PPFIBP1: variants seen among roughly 807,000 people sequenced by gnomAD.
PPFIBP1 encodes the protein PPFIB scaffold protein 1, also known as liprin-beta-1.
Under a neutral mutation model 137.8 loss-of-function variants are expected in PPFIBP1, and 112 were observed. That is an observed-to-expected ratio of 0.81 (90% CI 0.70 to 0.95). The LOEUF (loss-of-function observed/expected upper bound fraction) is 0.95, where lower values mean the gene tolerates loss of function less well. Ranked by LOEUF, PPFIBP1 falls within the 40% of genes least tolerant of loss-of-function variation. The pLI is 0.00. For missense variants in PPFIBP1, 1,083 were observed against 1,196.6 expected, an observed-to-expected ratio of 0.91 and a Z score of 1.40; for synonymous variants, 378 against 417.3, an observed-to-expected ratio of 0.91 and a Z score of 1.15.
rs3842650 is a variant in PPFIBP1 at position 27,644,244 on chromosome 12, G to GTTTTTTTTTT, written c.271-1802_271-1793dup. 5.9e-4 allele frequency among the ~76,000 whole-genome samples: 69 copies of GTTTTTTTTTT among 117,732 alleles called. 2 individuals are homozygous for GTTTTTTTTTT. The South Asian group carries it at 0.013, about 21-fold the overall frequency. The allele number at this position is 117,732 out of a possible 152,430, so 77.2% of individuals were successfully genotyped here. The stretch of plus-strand genomic sequence containing the variant: ...GGCGCACACCACCAAGCTTGGCTAA[G>GTTTTTTTTTT]TTTTTTTTTTTTTTTTTTTTTTTTT... On this transcript the variant is annotated intron_variant, in intron 4 of 29. Coordinates refer to ENST00000228425, the MANE Select transcript of PPFIBP1 (RefSeq NM_003622.4).
At chr12:27,568,651 A>G (rs10771342) in intron 1 of PPFIBP1, among the ~76,000 whole-genome samples, 48,785 of 151,944 alleles carry the variant, frequency 0.32, 9,141 homozygotes, top group African/African-American at 0.51. Context: ...AGCCTCTCCC[A>G]GACTTCTCCC....
intron 5 of PPFIBP1, among the ~76,000 whole-genome samples, chr12:27,646,777 A>G (rs2058529695): frequency 6.6e-6 from 1 of 152,172 alleles, no homozygotes; most frequent in Non-Finnish European, 1.5e-5. Context: ...AATGCTTCAC[A>G]AACATTTTTC....
In PPFIBP1 at chr12:27,673,825, G is replaced by A. The variant is rs746470400; in HGVS notation, c.1378G>A (p.Gly460Arg). The A allele has an allele frequency of 1.4e-5, 22 of 1,612,984 alleles. No homozygotes were observed. The highest frequency in any genetic ancestry group is 1.7e-5 in the Non-Finnish European group (20 of 1,179,526). Residue 460 changes from glycine (G) to arginine (R), a missense_variant and splice_region_variant, in exon 16 of 30, where the codon GGG becomes AGG. Transcript: ENST00000228425. ...CAATCTGAAGAAAGAGACATCTGATGGGGTGGGTTCTGTGTTTTTTGTTTT... is the reference window on the plus strand; with the variant it reads ...CAATCTGAAGAAAGAGACATCTGATAGGGTGGGTTCTGTGTTTTTTGTTTT... ...LGNLKKETSDGEKETIQKTSE... is the reference protein window; with the variant it reads ...LGNLKKETSDREKETIQKTSE...
chr12:27,593,795 C>T lies in PPFIBP1; in HGVS notation c.-36+15556C>T, dbSNP rs113361091. ...CCAGGAAGATGTTCAGTTTGCAAAA[C>T]TGTCTGGTTCGTCCTGAATTTGGTA... On this transcript the variant is annotated intron_variant, in intron 2 of 29. Transcript: ENST00000228425. 7.0e-3 allele frequency: 7,236 copies of T among 1,032,878 alleles called. 43 individuals are homozygous for T. Among genetic ancestry groups the T allele is most frequent in the Middle Eastern group, 0.011 (53 of 4,678 alleles). 64.0% of individuals were successfully genotyped at this position (1,032,878 alleles called of 1,614,324 possible).
At chr12:27,559,141 TA>T (rs1382096415) in intron 1 of PPFIBP1, among the ~76,000 whole-genome samples, 1 of 151,906 alleles carries the variant, frequency 6.6e-6, no homozygotes, top group Non-Finnish European at 1.5e-5. Flanking sequence ...GTGCTGGGTT[TA>T]TAGGCATTAG....
chr12:27,640,357 C>T (rs530852281), intron 4 of PPFIBP1, among the ~76,000 whole-genome samples: 1 of 152,248 alleles, frequency 6.6e-6, no homozygotes, highest in African/African-American at 2.4e-5. Context: ...AGAGAGATTC[C>T]TCCTCTAGAT....
At chr12:27,674,903 C>T (rs1170103042) in intron 17 of PPFIBP1, among the ~76,000 whole-genome samples, 1 of 136,536 alleles carries the variant, frequency 7.3e-6, no homozygotes, top group Admixed American at 8.4e-5. Flanking sequence ...GCCTCGATTT[C>T]CTGGGCTCAG....
chr12:27,655,167 A>G lies in PPFIBP1; in HGVS notation c.696+353A>G. On this transcript the variant is annotated intron_variant, in intron 8 of 29. Coordinates refer to ENST00000228425, the MANE Select transcript of PPFIBP1 (RefSeq NM_003622.4). ...GTCTTTAATGGCCAAACTTTCTAGC[A>G]TGAAAATCAAGGTGGGTCAGATGCA... The G allele has an allele frequency of 2.0e-6, 3 of 1,535,630 alleles. No individual in the cohort carries two copies. The highest frequency in any genetic ancestry group is 2.6e-6 in the Non-Finnish European group (3 of 1,146,146).
In PPFIBP1 at chr12:27,679,622, C is replaced by A. The variant is rs2060762496; in HGVS notation, c.1749C>A (p.Ile583=). The A allele has an allele frequency of 6.2e-7, 1 of 1,613,642 alleles. No individual in the cohort carries two copies. Among genetic ancestry groups the A allele is most frequent in the African/African-American group, 1.3e-5 (1 of 74,886 alleles). Residue 583 remains isoleucine, a synonymous_variant, in exon 20 of 30, where the codon ATC becomes ATA. Transcript: ENST00000228425. ...SPDSKKKSRG[I]MKLFGKLRRS... ...ATTCCAAAAAGAAATCCAGAGGTAT[C>A]ATGAAACTCTTTGGAAAGTAAGTAA...
In PPFIBP1 at chr12:27,670,522, G is replaced by C. The variant is rs1214558506; in HGVS notation, c.1147-909G>C. ...TCGCTGGGCACAGTGGCTCATGCCT[G>C]TAATCCCACTTTGGGAGGCTGAGGC... On this transcript the variant is annotated intron_variant, in intron 13 of 29. Transcript: ENST00000228425. Among the ~76,000 whole-genome samples, 3 of 152,280 alleles carry C rather than the reference G, an allele frequency of 2.0e-5. No homozygotes were observed. The East Asian group carries it at 5.8e-4, about 29-fold the overall frequency.
intron 2 of PPFIBP1, among the ~76,000 whole-genome samples, chr12:27,603,028 T>A (rs978221499): frequency 2.6e-5 from 4 of 152,360 alleles, no homozygotes; most frequent in African/African-American, 9.6e-5. Flanking sequence ...TTTCTTATTG[T>A]ATTTTATAAT....
chr12:27,618,155 G>T (rs1255888659), intron 2 of PPFIBP1, among the ~76,000 whole-genome samples: 1 of 152,220 alleles, frequency 6.6e-6, no homozygotes, highest in African/African-American at 2.4e-5. Context: ...CATGTTTGGT[G>T]ATGATAAAGG....
intron 2 of PPFIBP1, among the ~76,000 whole-genome samples, chr12:27,598,204 G>A (rs987223092): frequency 5.3e-5 from 8 of 152,166 alleles, no homozygotes; most frequent in African/African-American, 1.9e-4. Context: ...CCAAGACTGG[G>A]TAATGAATAA....
chr12:27,684,994 G>A (rs1259057217), intron 24 of PPFIBP1, among the ~76,000 whole-genome samples: 1 of 151,994 alleles, frequency 6.6e-6, no homozygotes, highest in Non-Finnish European at 1.5e-5. Context: ...TCCTCCTTCT[G>A]TTCCAGGATC....
At chr12:27,593,856 C>T in intron 2 of PPFIBP1, 1 of 1,421,546 alleles carries the variant, frequency 7.0e-7, no homozygotes, top group South Asian at 1.6e-5. Context: ...CTTTCAGTCC[C>T]CCATGCCCCT....
chr12:27,596,993 C>CT (rs1208757229), intron 2 of PPFIBP1, among the ~76,000 whole-genome samples: 1 of 152,114 alleles, frequency 6.6e-6, no homozygotes, highest in African/African-American at 2.4e-5. Flanking sequence ...TGGAAGATTC[C>CT]TGGGGGAATT....
chr12:27,538,614 A>G (rs1185769215), intron 1 of PPFIBP1, among the ~76,000 whole-genome samples: 8 of 152,242 alleles, frequency 5.3e-5, no homozygotes, highest in African/African-American at 9.6e-5. Flanking sequence ...GCCTTTGTTG[A>G]CAATGCTTGC....
At chr12:27,554,013 C>G (rs1947040680) in intron 1 of PPFIBP1, among the ~76,000 whole-genome samples, 1 of 152,218 alleles carries the variant, frequency 6.6e-6, no homozygotes, top group Non-Finnish European at 1.5e-5. Flanking sequence ...TTTGGAATGC[C>G]AGTGTTTCAT....
chr12:27,582,737 T>C (rs4331147), intron 2 of PPFIBP1, among the ~76,000 whole-genome samples: 21,194 of 152,208 alleles, frequency 0.14, 2,343 homozygotes, highest in East Asian at 0.43. Flanking sequence ...ACTTAGTCCC[T>C]AGGCAGAAGA....
Sources: gnomAD v4.1 joint callset for allele counts (sites outside exome capture counted in the v4.1 genomes callset) on GRCh38, gnomAD v4.1.1 for gene constraint, MANE v1.5 for transcripts, NCBI Gene and HGNC (gene_info 2026-07-23, HGNC 2026-07-21) for gene names.